The following ERG variants were observed in gnomAD, a reference collection of about 807,000 sequenced individuals.
ERG encodes ETS transcription factor ERG.
In ERG, 9 loss-of-function variants were observed where a neutral mutation model predicts 55.3. That is an observed-to-expected ratio of 0.16 (90% CI 0.10 to 0.28). The LOEUF (loss-of-function observed/expected upper bound fraction) is 0.28, where lower values mean the gene tolerates loss of function less well. ERG is among the 10% of genes least tolerant of loss of function. ERG has a pLI of 1.00. For synonymous variants in ERG, 223 were observed against 237.3 expected (o/e 0.94, Z 0.55); for missense variants, 434 against 631.6 (o/e 0.69, Z 3.35).
intron 1 of ERG, among the ~76,000 whole-genome samples, chr21:38,491,206 T>TAA (rs113260996): frequency 2.4e-5 from 3 of 124,238 alleles, no homozygotes; most frequent in African/African-American, 6.4e-5. Flanking sequence ...CTGTCAAAAT[T>TAA]AAAAAAAAAA....
chr21:38,414,163 C>T (rs776618258), intron 3 of ERG, among the ~76,000 whole-genome samples: 2 of 152,290 alleles, frequency 1.3e-5, no homozygotes, highest in African/African-American at 2.4e-5. Flanking sequence ...TGTTCCATTG[C>T]TTGCAGTTGC....
intron 1 of ERG, among the ~76,000 whole-genome samples, chr21:38,596,551 C>T (rs2060132701): frequency 6.6e-6 from 1 of 152,202 alleles, no homozygotes; most frequent in African/African-American, 2.4e-5. Context: ...CCTTTGTGAG[C>T]CAAACCGTGT....
At chr21:38,638,387 T>A (rs1216998792) in intron 1 of ERG, among the ~76,000 whole-genome samples, 1 of 152,236 alleles carries the variant, frequency 6.6e-6, no homozygotes, top group Non-Finnish European at 1.5e-5. Context: ...TTACAACTAC[T>A]GCACCCCGTG....
At chr21:38,613,044 T>C (rs745312719) in intron 1 of ERG, among the ~76,000 whole-genome samples, 8 of 152,174 alleles carry the variant, frequency 5.3e-5, no homozygotes, top group Admixed American at 2.0e-4. Flanking sequence ...GCGGGGCCCA[T>C]TGAAATCCTA....
intron 1 of ERG, among the ~76,000 whole-genome samples, chr21:38,461,270 T>C (rs1024170632): frequency 1.3e-5 from 2 of 152,140 alleles, no homozygotes; most frequent in Admixed American, 6.6e-5. Flanking sequence ...CCTCCCTCTA[T>C]GCATGCCTGT....
At chr21:38,456,193 T>C (rs1057326875) in intron 1 of ERG, among the ~76,000 whole-genome samples, 8 of 152,234 alleles carry the variant, frequency 5.3e-5, no homozygotes, top group Non-Finnish European at 8.8e-5. Context: ...AAATCTACCA[T>C]GTATGGAGTT....
chr21:38,524,997 C>T (rs1040854112), intron 2 of ERG, among the ~76,000 whole-genome samples: 3 of 152,152 alleles, frequency 2.0e-5, no homozygotes, highest in Non-Finnish European at 4.4e-5. Context: ...GACCAACAGT[C>T]GCAAATTGAG....
chr21:38,564,736 C>T (rs940833490), intron 2 of ERG, among the ~76,000 whole-genome samples: 2 of 152,012 alleles, frequency 1.3e-5, no homozygotes, highest in African/African-American at 4.8e-5. Context: ...TAGCCCTTCT[C>T]CTACCTCCAC....
At chr21:38,567,233 A>G (rs548987736) in intron 2 of ERG, among the ~76,000 whole-genome samples, 1 of 152,304 alleles carries the variant, frequency 6.6e-6, no homozygotes, top group South Asian at 2.1e-4. Context: ...GGGGTGCAGG[A>G]ACCCAGTGAG....
chr21:38,588,835 G>A (rs1047229889), upstream of ERG, among the ~76,000 whole-genome samples: 1 of 151,980 alleles, frequency 6.6e-6, no homozygotes, highest in Non-Finnish European at 1.5e-5. Flanking sequence ...TCCCACCTCA[G>A]CCACCCAACT....
intron 6 of ERG, chr21:38,395,329 G>C (rs540912405): frequency 4.4e-6 from 1 of 228,186 alleles, no homozygotes; most frequent in East Asian, 6.3e-5. Flanking sequence ...CAAAACCTTC[G>C]TAGTTCTGCT....
chr21:38,575,210 C>G (rs143825062), intron 2 of ERG, among the ~76,000 whole-genome samples: 178 of 152,282 alleles, frequency 1.2e-3, no homozygotes, highest in African/African-American at 4.1e-3. Context: ...GTCTCCTGCT[C>G]GCTAACCCCA....
intron 1 of ERG, among the ~76,000 whole-genome samples, chr21:38,447,276 G>A (rs1256382766): frequency 6.6e-6 from 1 of 151,782 alleles, no homozygotes; most frequent in Non-Finnish European, 1.5e-5. Context: ...TCAGGTGTCT[G>A]TGCTAAAGCA....
At chr21:38,387,980 C>A (rs1252150906) in intron 9 of ERG, among the ~76,000 whole-genome samples, 1 of 152,204 alleles carries the variant, frequency 6.6e-6, no homozygotes, top group Non-Finnish European at 1.5e-5. Context: ...TGCTTTCAGG[C>A]CTGGTTTATG....
chr21:38,646,959 C>T (rs1259622886), intron 1 of ERG, among the ~76,000 whole-genome samples: 1 of 152,198 alleles, frequency 6.6e-6, no homozygotes, highest in African/African-American at 2.4e-5. Context: ...AAGGCAGCCT[C>T]TCCCATCAGC....
At chr21:38,475,578 C>T (rs1356623704) in intron 1 of ERG, among the ~76,000 whole-genome samples, 3 of 152,210 alleles carry the variant, frequency 2.0e-5, no homozygotes, top group Admixed American at 6.5e-5. Context: ...ATCACTCCTC[C>T]GAGGCATTTG....
chr21:38,659,761 ATT>A (rs2060540919), intron 1 of ERG, among the ~76,000 whole-genome samples: 1 of 152,230 alleles, frequency 6.6e-6, no homozygotes, highest in Non-Finnish European at 1.5e-5. Flanking sequence ...TTGTTTATCC[ATT>A]TTATTGCGCA....
intron 2 of ERG, among the ~76,000 whole-genome samples, chr21:38,519,890 A>G (rs1031806683): frequency 6.6e-6 from 1 of 152,136 alleles, no homozygotes; most frequent in African/African-American, 2.4e-5. Flanking sequence ...GCAGTTGAGA[A>G]GCCCTTTGCC....
chr21:38,574,198 G>A (rs906720586), intron 2 of ERG, among the ~76,000 whole-genome samples: 1 of 152,186 alleles, frequency 6.6e-6, no homozygotes, highest in Admixed American at 6.5e-5. Flanking sequence ...TTCATGGTCA[G>A]CAGACACTAA....
Sources: gnomAD v4.1 joint callset for allele counts (sites outside exome capture counted in the v4.1 genomes callset) on GRCh38, gnomAD v4.1.1 for gene constraint, MANE v1.5 for transcripts, NCBI Gene and HGNC (gene_info 2026-07-23, HGNC 2026-07-21) for gene names.